The following SPATA16 variants were observed in gnomAD, a reference collection of about 807,000 sequenced individuals.
SPATA16 encodes the protein spermatogenesis-associated protein 16.
A neutral mutation model predicts 63.3 loss-of-function variants in SPATA16; 36 were observed. The ratio of observed to expected loss-of-function variants is 0.57; its 90% CI spans 0.44 to 0.75. The LOEUF is 0.75. Among genes scored for constraint, SPATA16 ranks in the 30% least tolerant of loss-of-function variants. The pLI, the probability that SPATA16 is intolerant of heterozygous loss-of-function variation, is 0.00. For synonymous variants in SPATA16, 203 were observed against 216.7 expected (o/e 0.94, Z 0.56); for missense variants, 646 against 679.3 (o/e 0.95, Z 0.54).
At chr3:173,010,556 C>T (rs890646634) in intron 4 of SPATA16, among the ~76,000 whole-genome samples, 2 of 151,994 alleles carry the variant, frequency 1.3e-5, no homozygotes, top group African/African-American at 2.4e-5. Context: ...ACCCCTGCTG[C>T]CCCCAGGCTG....
At chr3:173,003,269 T>C (rs1734866811) in intron 4 of SPATA16, among the ~76,000 whole-genome samples, 3 of 152,092 alleles carry the variant, frequency 2.0e-5, no homozygotes, top group Admixed American at 2.0e-4. Flanking sequence ...AGAAACATGA[T>C]TGTCTAATAA....
In SPATA16 at chr3:173,019,635, G is replaced by A. The variant is rs141886360; in HGVS notation, c.759-60C>T. 1.4e-3 allele frequency: 1,991 copies of A among 1,452,710 alleles called. 21 individuals carry two copies. In the African/African-American group the frequency reaches 0.024, roughly 18 times the overall value. The allele number at this position is 1,452,710 out of a possible 1,614,324, so 90.0% of individuals were successfully genotyped here. A position where few individuals can be genotyped will look rare whatever the true frequency, so the allele number is the denominator to read the frequency against. The stretch of plus-strand genomic sequence containing the variant: ...GGGTTTTAAAAGACAATTACCACAA[G>A]TGCAATGGAATGAAATCACAGGCAT... On this transcript the variant is annotated intron_variant, in intron 3 of 10. Coordinates refer to ENST00000351008, the MANE Select transcript of SPATA16 (RefSeq NM_031955.6).
chr3:172,914,268 G>C lies in SPATA16; in HGVS notation c.1504-524C>G, dbSNP rs572485674. 6.4e-4 allele frequency among the ~76,000 whole-genome samples: 97 copies of C among 151,474 alleles called. 1 individual carries two copies. The highest frequency in any genetic ancestry group is 2.2e-3 in the African/African-American group (91 of 41,264). On this transcript the variant is annotated intron_variant, in intron 9 of 10. Coordinates refer to ENST00000351008, the MANE Select transcript of SPATA16 (RefSeq NM_031955.6). ...AATAGCCAAGTTTTTTTTATTTTTAGGTCCCATTCGAAGGCAAGTTTTAAA... is the reference window on the plus strand; with the variant it reads ...AATAGCCAAGTTTTTTTTATTTTTACGTCCCATTCGAAGGCAAGTTTTAAA...
At chr3:172,916,677 G>A (rs1732497458) in intron 8 of SPATA16, among the ~76,000 whole-genome samples, 196 bp from the exon 9 acceptor site, 1 of 152,210 alleles carries the variant, frequency 6.6e-6, no homozygotes, top group African/African-American at 2.4e-5. Flanking sequence ...ATACATAAAA[G>A]GGAGTCCTTT....
intron 10 of SPATA16, among the ~76,000 whole-genome samples, chr3:172,897,981 G>A (rs1732043407): frequency 6.6e-6 from 1 of 151,834 alleles, no homozygotes; most frequent in Non-Finnish European, 1.5e-5. Flanking sequence ...TGTCAATTTT[G>A]TCCAATGCTT....
intron 2 of SPATA16, among the ~76,000 whole-genome samples, chr3:173,105,486 A>G (rs991592466): frequency 2.0e-5 from 3 of 152,194 alleles, no homozygotes; most frequent in African/African-American, 4.8e-5. Context: ...GTTTTCTCTC[A>G]ATTAATTTCT....
In SPATA16 at chr3:173,061,259, C is replaced by T. The variant is rs375700336; in HGVS notation, c.613-12165G>A. 8.3e-4 allele frequency among the ~76,000 whole-genome samples: 126 copies of T among 152,292 alleles called. No homozygotes were observed. The South Asian group carries it at 0.012, about 14-fold the overall frequency. On this transcript the variant is annotated intron_variant, in intron 2 of 10. Coordinates refer to ENST00000351008, the MANE Select transcript of SPATA16 (RefSeq NM_031955.6). ...AGATACTAACTAGGGGATAAAATAG[C>T]ACTGAGAGCCTCAGATATAAGTCCT...
chr3:172,938,187 C>T (rs6792842), intron 6 of SPATA16, among the ~76,000 whole-genome samples: 2,379 of 152,220 alleles, frequency 0.016, 58 homozygotes, highest in African/African-American at 0.054. Context: ...TTCTCAGCTT[C>T]CCTTCATGGG....
In SPATA16 at chr3:172,961,069, T is replaced by TCTTCCTTTCTTCCTTTCTTCCTTCCTTC. The variant is rs1560080344; in HGVS notation, c.934-4246_934-4245insGAAGGAAGGAAGAAAGGAAGAAAGGAAG. 6.2e-3 allele frequency among the ~76,000 whole-genome samples: 448 copies of TCTTCCTTTCTTCCTTTCTTCCTTCCTTC among 72,370 alleles called. 30 individuals are homozygous for TCTTCCTTTCTTCCTTTCTTCCTTCCTTC. The highest frequency in any genetic ancestry group is 0.028 in the African/African-American group (440 of 15,968). The allele number at this position is 72,370 out of a possible 152,430, so 47.5% of individuals were successfully genotyped here. On this transcript the variant is annotated intron_variant, in intron 5 of 10. Transcript: ENST00000351008. ...CTTTCTTCTTTCTTTCTTTCTTCTT[T>TCTTCCTTTCTTCCTTTCTTCCTTCCTTC]CTTCCTTCCTTCCTTCCTTCCTTCC...
intron 2 of SPATA16, among the ~76,000 whole-genome samples, chr3:173,108,656 G>A (rs1380446553): frequency 5.9e-5 from 9 of 152,150 alleles, no homozygotes; most frequent in South Asian, 4.1e-4. Flanking sequence ...GCTGCATAAC[G>A]ATGTTTTGGT....
chr3:172,898,002 A>G (rs893762997), intron 10 of SPATA16, among the ~76,000 whole-genome samples: 1 of 151,998 alleles, frequency 6.6e-6, no homozygotes, highest in African/African-American at 2.4e-5. Context: ...TTTCTGCATC[A>G]ATTGATATAA....
At chr3:172,913,425 T>G (rs1732413493) in intron 10 of SPATA16, among the ~76,000 whole-genome samples, 1 of 151,706 alleles carries the variant, frequency 6.6e-6, no homozygotes, top group Non-Finnish European at 1.5e-5. Context: ...AGCATGATAA[T>G]GAAGAAAAAT....
At position 172,986,723 on chromosome 3, in the gene SPATA16, T is replaced by TG. The variant is rs551505412; in HGVS notation, c.849-9672dup. 3.3e-5 allele frequency among the ~76,000 whole-genome samples: 5 copies of TG among 152,178 alleles called. No individual in the cohort carries two copies. The South Asian group carries it at 1.0e-3, about 32-fold the overall frequency. ...ATGAAGAAGCCTGGATTTCATCCTG[T>TG]GGGTAATGGGGAGCTGTTGTACGGT... On this transcript the variant is annotated intron_variant, in intron 4 of 10. Transcript: ENST00000351008.
chr3:173,125,975 C>A (rs1329305072), intron 1 of SPATA16, among the ~76,000 whole-genome samples: 2 of 152,166 alleles, frequency 1.3e-5, no homozygotes, highest in African/African-American at 2.4e-5. Context: ...AGGCAATCAC[C>A]TAAATGTAAG....
chr3:172,940,858 C>T (rs577601192), intron 6 of SPATA16, among the ~76,000 whole-genome samples: 1 of 152,154 alleles, frequency 6.6e-6, no homozygotes, highest in Admixed American at 6.5e-5. Context: ...TGGCACGTGC[C>T]TGTAATCACA....
At chr3:172,954,549 A>G (rs1392177957) in intron 6 of SPATA16, among the ~76,000 whole-genome samples, 2 of 152,118 alleles carry the variant, frequency 1.3e-5, no homozygotes, top group Admixed American at 6.5e-5. Context: ...CTTCTTAGCT[A>G]TTACCTTCGG....
chr3:173,026,363 A>G (rs888021785), intron 3 of SPATA16, among the ~76,000 whole-genome samples: 7 of 151,936 alleles, frequency 4.6e-5, no homozygotes, highest in Non-Finnish European at 8.8e-5. Context: ...TATACTGCAC[A>G]TATTTTTCTC....
At chr3:173,046,483 A>G (rs1337849954) in intron 3 of SPATA16, among the ~76,000 whole-genome samples, 1 of 152,034 alleles carries the variant, frequency 6.6e-6, no homozygotes, top group African/African-American at 2.4e-5. Flanking sequence ...GCAAAACTAC[A>G]TGATGGTTTT....
intron 10 of SPATA16, among the ~76,000 whole-genome samples, chr3:172,896,698 G>T (rs1732016726): frequency 6.6e-6 from 1 of 152,016 alleles, no homozygotes; most frequent in African/African-American, 2.4e-5. Flanking sequence ...TTCCCTAATG[G>T]CTAGTGATGT....
Sources: gnomAD v4.1 joint callset for allele counts (sites outside exome capture counted in the v4.1 genomes callset) on GRCh38, gnomAD v4.1.1 for gene constraint, MANE v1.5 for transcripts, NCBI Gene and HGNC (gene_info 2026-07-23, HGNC 2026-07-21) for gene names.